Variants in MDGA2 observed in about 807,000 individuals in gnomAD.
MDGA2 encodes the protein MAM domain containing glycosylphosphatidylinositol anchor 2.
In MDGA2, 40 loss-of-function variants were observed where a neutral mutation model predicts 117.8. That is an observed-to-expected ratio of 0.34 (90% confidence interval 0.26 to 0.44). MDGA2 has a LOEUF of 0.44. Ranked by LOEUF, MDGA2 falls within the 20% of genes least tolerant of loss-of-function variation. The probability of loss-of-function intolerance (pLI) is 1.00; values close to 1 mark genes in which losing one functional copy is unlikely to be tolerated. For missense variants in MDGA2, 1,123 were observed against 1,250.6 expected, an observed-to-expected ratio of 0.90 and a Z score of 1.54; for synonymous variants, 452 against 439.0, an observed-to-expected ratio of 1.03 and a Z score of -0.37.
chr14:47,149,687 A>T (rs550485279), intron 3 of MDGA2, among the ~76,000 whole-genome samples: 10 of 152,098 alleles, frequency 6.6e-5, no homozygotes, highest in Non-Finnish European at 1.3e-4. Context: ...TTTAGTGGAG[A>T]CCATTGCTTT....
chr14:47,417,861 A>C (rs1450559095), intron 1 of MDGA2, among the ~76,000 whole-genome samples: 6 of 151,946 alleles, frequency 3.9e-5, no homozygotes. Context: ...CTACAGGTGC[A>C]CATTACCATG....
chr14:47,566,953 G>C (rs1566519020), intron 1 of MDGA2, among the ~76,000 whole-genome samples: 1 of 151,216 alleles, frequency 6.6e-6, no homozygotes, highest in Non-Finnish European at 1.5e-5. Flanking sequence ...CTGTTGCCAA[G>C]ATTGAAATGC....
At chr14:47,221,098 T>A (rs1886282575) in intron 2 of MDGA2, among the ~76,000 whole-genome samples, 1 of 152,026 alleles carries the variant, frequency 6.6e-6, no homozygotes, top group African/African-American at 2.4e-5. Flanking sequence ...TAGTATACAA[T>A]TTAAATACTA....
intron 3 of MDGA2, among the ~76,000 whole-genome samples, chr14:47,153,534 T>C (rs969446540): frequency 3.3e-5 from 5 of 151,936 alleles, no homozygotes; most frequent in African/African-American, 4.8e-5. Context: ...CCAGTTGCAA[T>C]GTACACGACC....
intron 16 of MDGA2, among the ~76,000 whole-genome samples, chr14:46,843,054 G>T (rs899992008): frequency 2.0e-5 from 3 of 149,576 alleles, no homozygotes; most frequent in Non-Finnish European, 4.5e-5. Flanking sequence ...CTAATTTATA[G>T]AGTTTAAATA....
chr14:47,020,028 A>C (rs1342346792), intron 8 of MDGA2, among the ~76,000 whole-genome samples: 1 of 152,136 alleles, frequency 6.6e-6, no homozygotes, highest in Non-Finnish European at 1.5e-5. Context: ...TCATACATAC[A>C]TTTTATAGAC....
At chr14:46,901,718 C>T (rs1283123549) in intron 10 of MDGA2, among the ~76,000 whole-genome samples, 2 of 152,184 alleles carry the variant, frequency 1.3e-5, no homozygotes, top group Non-Finnish European at 2.9e-5. Flanking sequence ...CTCTGGAAAG[C>T]TTTGTTCAAA....
At chr14:47,582,710 T>G (rs1272395089) in intron 1 of MDGA2, among the ~76,000 whole-genome samples, 1 of 151,920 alleles carries the variant, frequency 6.6e-6, no homozygotes, top group African/African-American at 2.4e-5. Flanking sequence ...GCTACAGTGC[T>G]ACATAACCAT....
chr14:47,368,132 A>T (rs1594820139), intron 1 of MDGA2, among the ~76,000 whole-genome samples: 1 of 151,746 alleles, frequency 6.6e-6, no homozygotes, highest in Non-Finnish European at 1.5e-5. Flanking sequence ...ATACAAAAAA[A>T]TTAGCCGGGA....
At chr14:47,097,533 T>C (rs953056708) in intron 5 of MDGA2, among the ~76,000 whole-genome samples, 6 of 152,152 alleles carry the variant, frequency 3.9e-5, no homozygotes, top group South Asian at 4.1e-4. Context: ...TGGTTAATTA[T>C]TTATTTTTTG....
chr14:47,067,988 T>C (rs1566604257), intron 6 of MDGA2, among the ~76,000 whole-genome samples: 1 of 152,090 alleles, frequency 6.6e-6, no homozygotes, highest in Non-Finnish European at 1.5e-5. Context: ...TCATTAATAA[T>C]GCAAGAACAA....
chr14:47,508,352 A>ACTCT (rs3039658), intron 1 of MDGA2, among the ~76,000 whole-genome samples: 15,959 of 132,676 alleles, frequency 0.12, 1,139 homozygotes, highest in Non-Finnish European at 0.14. Flanking sequence ...TTGCTGATTG[A>ACTCT]CTCTCTCTCT....
intron 8 of MDGA2, among the ~76,000 whole-genome samples, chr14:46,965,548 C>T (rs182785880): frequency 5.9e-5 from 9 of 152,098 alleles, no homozygotes; most frequent in Admixed American, 5.2e-4. Context: ...GTTTCTTCAC[C>T]GCAAAAAAGC....
chr14:47,311,832 C>A (rs1327570353), intron 1 of MDGA2, among the ~76,000 whole-genome samples: 1 of 152,080 alleles, frequency 6.6e-6, no homozygotes. Flanking sequence ...ATGCTAGAAA[C>A]ACATTTTGTG....
intron 1 of MDGA2, among the ~76,000 whole-genome samples, chr14:47,553,527 C>CT (rs1895626825): frequency 6.6e-6 from 1 of 151,948 alleles, no homozygotes; most frequent in African/African-American, 2.4e-5. Context: ...ATAGTGTGGA[C>CT]ATTTGAAAGC....
chr14:46,906,170 G>A (rs1397348852), intron 10 of MDGA2, among the ~76,000 whole-genome samples: 2 of 151,892 alleles, frequency 1.3e-5, no homozygotes, highest in East Asian at 1.9e-4. Context: ...ATGTACTTCA[G>A]AAAGGAATGA....
At chr14:47,322,756 A>G (rs1204233170) in intron 1 of MDGA2, among the ~76,000 whole-genome samples, 1 of 152,188 alleles carries the variant, frequency 6.6e-6, no homozygotes, top group African/African-American at 2.4e-5. Context: ...GCCTGTTGTT[A>G]TTACTATTCT....
chr14:47,073,852 G>T (rs1426503325), intron 6 of MDGA2, among the ~76,000 whole-genome samples: 1 of 152,058 alleles, frequency 6.6e-6, no homozygotes, highest in African/African-American at 2.4e-5. Flanking sequence ...ATCCTCTCAC[G>T]TTCCTTCAAA....
intron 5 of MDGA2, among the ~76,000 whole-genome samples, chr14:47,097,821 T>C (rs1366259185): frequency 3.9e-5 from 6 of 152,046 alleles, no homozygotes; most frequent in African/African-American, 1.2e-4. Flanking sequence ...TTGCCACTAC[T>C]GTTTGGGTTA....
Sources: gnomAD v4.1 joint callset for allele counts (sites outside exome capture counted in the v4.1 genomes callset) on GRCh38, gnomAD v4.1.1 for gene constraint, MANE v1.5 for transcripts, NCBI Gene and HGNC (gene_info 2026-07-23, HGNC 2026-07-21) for gene names.